NME4: variants seen among roughly 807,000 people sequenced by gnomAD.
The protein encoded by NME4 is nucleoside diphosphate kinase D, mitochondrial.
Under a neutral mutation model 16.4 loss-of-function variants are expected in NME4, and 21 were observed. That is an observed-to-expected ratio of 1.28 (90% CI 0.91 to 1.84). NME4 has a LOEUF of 1.84. Among genes scored for constraint, NME4 ranks in the 40% most tolerant of loss-of-function variants. The pLI is 0.00. For missense variants in NME4, 316 were observed against 261.3 expected (o/e 1.21, Z -1.44); for synonymous variants, 132 against 107.5 (o/e 1.23, Z -1.41).
At chr16:398,859 C>A in intron 1 of NME4, 131 bp from the exon 2 acceptor site, 1 of 1,250,530 alleles carries the variant, frequency 8.0e-7, no homozygotes, top group Non-Finnish European at 1.1e-6. Flanking sequence ...CATCCCTGTC[C>A]CTTCCAGAGT....
chr16:398,027 G>T, intron 1 of NME4: 1 of 1,534,348 alleles, frequency 6.5e-7, no homozygotes, highest in Non-Finnish European at 8.8e-7. Flanking sequence ...GGCTTCAGCC[G>T]CCTGCTGGGG....
At position 400,443 on chromosome 16, in the gene NME4, T is replaced by TA. The variant is rs2054639155; in HGVS notation, c.*102dup. The TA allele has an allele frequency of 2.1e-6, 3 of 1,447,706 alleles. No individual in the cohort carries two copies. The Admixed American group carries it at 7.0e-5, about 34-fold the overall frequency. 89.7% of individuals were successfully genotyped at this position (1,447,706 alleles called of 1,614,324 possible). A position where few individuals can be genotyped will look rare whatever the true frequency, so the allele number is the denominator to read the frequency against. The stretch of plus-strand genomic sequence containing the variant: ...CCAAACCTGCCTGTCCCAAACCACT[T>TA]ACTTCCCTGTTCACCTCTGCCCCAC... On this transcript the variant is annotated 3_prime_UTR_variant, in exon 5 of 5. Transcript: ENST00000219479.
In NME4 at chr16:397,280, C is replaced by T; in HGVS notation, c.58C>T (p.Pro20Ser). The stretch of plus-strand genomic sequence containing the variant: ...GGGGCTGCGCTGCGGCCCGCGGGCC[C>T]CGGGCCCGAGCCTGCTAGTGCGCCA... ...LRGLRCGPRA[P>S]GPSLLVRHGS... Residue 20 changes from proline (P) to serine (S), a missense_variant, in exon 1 of 5, where the codon CCG becomes TCG. Coordinates refer to ENST00000219479, the MANE Select transcript of NME4 (RefSeq NM_005009.3). 1 of 1,058,630 alleles carries T rather than the reference C, an allele frequency of 9.4e-7. No individual in the cohort carries two copies. The highest frequency in any genetic ancestry group is 1.1e-6 in the Non-Finnish European group (1 of 879,354). The allele number at this position is 1,058,630 out of a possible 1,614,324, so 65.6% of individuals were successfully genotyped here.
In NME4 at chr16:399,683, C is replaced by T. The variant is rs780836746; in HGVS notation, c.384C>T (p.Asp128=). The T allele has an allele frequency of 6.2e-7, 1 of 1,613,136 alleles. No individual in the cohort carries two copies. Among genetic ancestry groups the T allele is most frequent in the Admixed American group, 1.7e-5 (1 of 60,010 alleles). The change falls in exon 4 of 5, where the codon GAC becomes GAT. Residue 128 remains aspartate (D), a synonymous_variant. Coordinates refer to ENST00000219479, the MANE Select transcript of NME4 (RefSeq NM_005009.3). ...RASRAMIGHT[D]SAEAAPGTIR... is the part of the protein sequence containing the mutation. ...CGAGGGCCATGATTGGACACACCGA[C>T]TCGGCTGAGGCTGCCCCAGGAACCA...
In NME4 at chr16:399,022, G is replaced by T; in HGVS notation, c.124G>T (p.Val42Leu). The T allele has an allele frequency of 6.2e-7, 1 of 1,609,970 alleles. No individual in the cohort carries two copies. ...CTCCTGGACCCGGGAGCGGACCCTG[G>T]TGGCGGTGAAGCCCGATGGCGTGCA... ...GPSWTRERTLVAVKPDGVQRR... is the reference protein window; with the variant it reads ...GPSWTRERTLLAVKPDGVQRR... The change falls in exon 2 of 5, where the codon GTG becomes TTG. Residue 42 changes from valine (V) to leucine (L), a missense_variant. Physicochemically the swap from Val to Leu is conservative, Grantham distance 32. Coordinates refer to ENST00000219479, the MANE Select transcript of NME4 (RefSeq NM_005009.3).
chr16:397,258 G>T lies in NME4; in HGVS notation c.36G>T (p.Gly12=), dbSNP rs928134017. 2.9e-6 allele frequency: 3 copies of T among 1,049,332 alleles called. No homozygotes were observed. The highest frequency in any genetic ancestry group is 5.6e-5 in the Admixed American group (1 of 17,874). 65.0% of individuals were successfully genotyped at this position (1,049,332 alleles called of 1,614,324 possible). Residue 12 remains glycine (G), a synonymous_variant, in exon 1 of 5, where the codon GGG becomes GGT. Coordinates refer to ENST00000219479, the MANE Select transcript of NME4 (RefSeq NM_005009.3). ...TCTTCTGGCGCTCCGCGCTGCGGGG[G>T]CTGCGCTGCGGCCCGCGGGCCCCGG... The part of the protein sequence containing the change: ...GGLFWRSALR[G]LRCGPRAPGP...
intron 3 of NME4, 52 bp downstream of exon 3, chr16:399,532 T>A: frequency 6.3e-7 from 1 of 1,594,016 alleles, no homozygotes; most frequent in Non-Finnish European, 8.6e-7. Flanking sequence ...GGCGTGTGGG[T>A]GTGTCTTTCC....
At chr16:399,549 C>T in intron 3 of NME4, 69 bp downstream of exon 3, 3 of 1,590,570 alleles carry the variant, frequency 1.9e-6, no homozygotes, top group Non-Finnish European at 2.6e-6. Flanking sequence ...TTCCCCCCAG[C>T]AAAGGGAGGG....
In NME4 at chr16:400,321, C is replaced by T. The variant is rs199675006; in HGVS notation, c.543C>T (p.His181=). The change falls in exon 5 of 5, where the codon CAC becomes CAT. Residue 181 remains histidine (H), a synonymous_variant. Transcript: ENST00000219479. ...ELVSWADGGQ[H]SSIHPA ...TGAGCTGGGCAGACGGGGGCCAGCA[C>T]AGCAGCATCCACCCAGCCTGAGGCT... is the stretch of plus-strand genomic sequence containing the variant. The T allele has an allele frequency of 1.2e-6, 2 of 1,604,628 alleles. No individual in the cohort carries two copies. The highest frequency in any genetic ancestry group is 2.2e-5 in the South Asian group (2 of 90,658).
rs1404843550 is a variant in NME4, at chr16:399,546, CA to C, written c.327+67del. Reference sequence around the variant, plus strand: ...GGGCGTGTGGGTGTGTCTTTCCCCCCAGCAAAGGGAGGGGCCCTGGATTGAG... The same window carrying C: ...GGGCGTGTGGGTGTGTCTTTCCCCCCGCAAAGGGAGGGGCCCTGGATTGAG... On this transcript the variant is annotated intron_variant, in intron 3 of 4. Coordinates refer to ENST00000219479, the MANE Select transcript of NME4 (RefSeq NM_005009.3). 1.8e-5 allele frequency: 28 copies of C among 1,593,010 alleles called. 1 individual carries two copies. Among genetic ancestry groups the C allele is most frequent in the East Asian group, 8.9e-5 (4 of 44,742 alleles).
intron 1 of NME4, chr16:398,507 A>AGGGATGGAGTCAAAAGTG (rs1415194920): frequency 7.3e-6 from 6 of 823,586 alleles, no homozygotes; most frequent in Non-Finnish European, 9.8e-6. Flanking sequence ...GTCATCCAGA[A>AGGGATGGAGTCAAAAGTG]GGGATGGAGT....
intron 1 of NME4, chr16:398,267 C>T (rs765406895): frequency 7.2e-6 from 10 of 1,387,118 alleles, no homozygotes; most frequent in East Asian, 3.9e-5. Flanking sequence ...GGTCTGGAAG[C>T]GACAGGCCTT....
At position 399,516 on chromosome 16, in the gene NME4, G is replaced by A. The variant is rs776529745; in HGVS notation, c.327+36G>A. ...GCAGGGGTGGTGGAAGGGCCTGTGG[G>A]TAAAGGGCGTGTGGGTGTGTCTTTC... On this transcript the variant is annotated intron_variant, in intron 3 of 4. Transcript: ENST00000219479. 8.1e-6 allele frequency: 13 copies of A among 1,602,664 alleles called. No homozygotes were observed. In the South Asian group the frequency reaches 1.1e-4, roughly 14 times the overall value.
At position 399,652 on chromosome 16, in the gene NME4, G is replaced by A. The variant is rs201194687; in HGVS notation, c.353G>A (p.Arg118His). The A allele has an allele frequency of 1.5e-5, 25 of 1,613,146 alleles. No homozygotes were observed. The East Asian group carries it at 2.2e-4, about 14-fold the overall frequency. ...GTCTGGGAAGGGTACAATGTCGTCC[G>A]CGCCTCGAGGGCCATGATTGGACAC... Reference protein sequence around the residue: ...AMVWEGYNVVRASRAMIGHTD... With the variant: ...AMVWEGYNVVHASRAMIGHTD... The change falls in exon 4 of 5, where the codon CGC becomes CAC. Residue 118 changes from arginine to histidine, a missense_variant. Transcript: ENST00000219479.
rs373042240 is a variant in NME4 at position 398,131 on chromosome 16, C to T, written c.91+818C>T. 254 of 1,531,664 alleles carry T rather than the reference C, an allele frequency of 1.7e-4. No individual in the cohort carries two copies. The East Asian group carries it at 2.8e-3, about 17-fold the overall frequency. The allele number at this position is 1,531,664 out of a possible 1,614,324, so 94.9% of individuals were successfully genotyped here. ...TGGGCTCCTCTGGAAACCAGGGACC[C>T]GATGCCGGAGGGTAGCTTGGCTCTG... is the stretch of plus-strand genomic sequence containing the variant. On this transcript the variant is annotated intron_variant, in intron 1 of 4. Coordinates refer to ENST00000219479, the MANE Select transcript of NME4 (RefSeq NM_005009.3).
intron 1 of NME4, 128 bp downstream of exon 1, chr16:397,441 G>A (rs1248575072): frequency 7.7e-6 from 2 of 260,830 alleles, no homozygotes; most frequent in African/African-American, 2.4e-5. Flanking sequence ...CGGGCTGCGG[G>A]GTCCGTCCGA....
At chr16:397,344 G>A in intron 1 of NME4, 31 bp downstream of exon 1, 2 of 932,950 alleles carry the variant, frequency 2.1e-6, no homozygotes, top group Non-Finnish European at 2.6e-6. Flanking sequence ...CGGCGGGGAC[G>A]CGGAGGGGAG....
intron 1 of NME4, chr16:397,843 C>T (rs779526152): frequency 3.2e-5 from 49 of 1,544,966 alleles, no homozygotes; most frequent in Non-Finnish European, 4.2e-5. Flanking sequence ...GCCCGGCCCC[C>T]CCAGCTGCCA....
rs1266042145 is a variant in NME4 at position 400,439 on chromosome 16, CACTT to C, written c.*102_*105del. 2.0e-6 allele frequency: 3 copies of C among 1,467,454 alleles called. No homozygotes were observed. Among genetic ancestry groups the C allele is most frequent in the African/African-American group, 2.8e-5 (2 of 70,250 alleles). The allele number at this position is 1,467,454 out of a possible 1,614,324, so 90.9% of individuals were successfully genotyped here. Reference sequence around the variant, plus strand: ...ACATCCAAACCTGCCTGTCCCAAACCACTTACTTCCCTGTTCACCTCTGCCCCAC... The same window carrying C: ...ACATCCAAACCTGCCTGTCCCAAACCACTTCCCTGTTCACCTCTGCCCCAC... On this transcript the variant is annotated 3_prime_UTR_variant, in exon 5 of 5. Transcript: ENST00000219479.
Sources: gnomAD v4.1 joint callset for allele counts on GRCh38, gnomAD v4.1.1 for gene constraint, MANE v1.5 for transcripts, NCBI Gene and HGNC (gene_info 2026-07-23, HGNC 2026-07-21) for gene names.